TEX2: variants seen among roughly 807,000 people sequenced by gnomAD.
TEX2 encodes testis-expressed protein 2.
Under a neutral mutation model 106.9 loss-of-function variants are expected in TEX2, and 53 were observed. That is an observed-to-expected ratio of 0.50 (90% CI 0.40 to 0.62). The LOEUF is 0.62. Among genes scored for constraint, TEX2 ranks in the 20% least tolerant of loss-of-function variants. The pLI is 0.00. For missense variants in TEX2, 1,207 were observed against 1,379.0 expected (o/e 0.88, Z 1.98); for synonymous variants, 523 against 534.8 (o/e 0.98, Z 0.30).
In TEX2 at chr17:64,149,024, C is replaced by A; in HGVS notation, c.3329G>T (p.Arg1110Leu). The A allele has an allele frequency of 1.2e-6, 2 of 1,614,148 alleles. No homozygotes were observed. The highest frequency in any genetic ancestry group is 1.7e-6 in the Non-Finnish European group (2 of 1,180,012). ...ITIMHSAMDP[R>L]STSCLLKDPP... ...GTCTTTCAGGAGGCAGGAAGTAGAG[C>A]GAGGGTCCATGGCTGAGTGCATTAT... Residue 1110 changes from arginine to leucine, a missense_variant, in exon 12 of 12, where the codon CGC becomes CTC. Around this residue, in one of 3 missense-constraint regions of TEX2, gnomAD observed 77 missense variants for 73.2 expected, o/e 1.05. Coordinates refer to ENST00000584379, the MANE Select transcript of TEX2 (RefSeq NM_001288732.2).
chr17:64,172,886 T>C (rs1269165661), intron 6 of TEX2, among the ~76,000 whole-genome samples: 1 of 152,220 alleles, frequency 6.6e-6, no homozygotes, highest in African/African-American at 2.4e-5. Flanking sequence ...AATACTGGCA[T>C]CATGTTTAAA....
chr17:64,161,027 A>G (rs1331858717), intron 7 of TEX2, 94 bp from the exon 8 acceptor site: 2 of 1,365,104 alleles, frequency 1.5e-6, no homozygotes, highest in Non-Finnish European at 2.0e-6. Flanking sequence ...AATAGGCACC[A>G]TACTGAAAGT....
chr17:64,241,962 T>A (rs2033897051), intron 1 of TEX2, among the ~76,000 whole-genome samples: 1 of 152,218 alleles, frequency 6.6e-6, no homozygotes, highest in African/African-American at 2.4e-5. Context: ...CGGTACTGTC[T>A]GACATTGCCT....
chr17:64,176,798 G>A (rs919963854), intron 6 of TEX2, among the ~76,000 whole-genome samples: 1 of 152,308 alleles, frequency 6.6e-6, no homozygotes, highest in South Asian at 2.1e-4. Context: ...GCTTGAGAGG[G>A]AGCACAGCCT....
Position 64,217,441 on chromosome 17 carries a change from C to G in TEX2, c.-25-3199G>C, listed in dbSNP as rs566045927. Among the ~76,000 whole-genome samples the G allele has an allele frequency of 6.6e-6, 1 of 152,326 alleles. No individual in the cohort carries two copies. Among genetic ancestry groups the G allele is most frequent in the East Asian group, 1.9e-4 (1 of 5,184 alleles). On this transcript the variant is annotated intron_variant, in intron 1 of 11. Coordinates refer to ENST00000584379, the MANE Select transcript of TEX2 (RefSeq NM_001288732.2). This position sits in a 1 kb window ranked among gnomAD's most constrained non-coding sequence, Gnocchi z 4.3. ...GGCTTCCTGACACTGAGGCCCGATG[C>G]CCGGCAGGGTGCCTTTTCAAACATG...
chr17:64,263,002 C>T (rs1345973221), intron 1 of TEX2, among the ~76,000 whole-genome samples, 166 bp downstream of exon 1: 2 of 151,998 alleles, frequency 1.3e-5, no homozygotes, highest in African/African-American at 4.8e-5. Context: ...GCGTCCCCTT[C>T]AATACCTGAA....
At chr17:64,215,756 T>A (rs12950994) in intron 1 of TEX2, among the ~76,000 whole-genome samples, 242 of 152,348 alleles carry the variant, frequency 1.6e-3, no homozygotes, top group Non-Finnish European at 2.8e-3. Context: ...TTACAAGTAA[T>A]CTACCACAAT....
chr17:64,227,803 G>A (rs1555634085), intron 1 of TEX2, among the ~76,000 whole-genome samples: 2 of 152,164 alleles, frequency 1.3e-5, no homozygotes, highest in African/African-American at 2.4e-5. Context: ...AAATGGGAAT[G>A]GCAACTGACT....
chr17:64,172,792 G>A (rs1049542602), intron 6 of TEX2, among the ~76,000 whole-genome samples: 2 of 152,092 alleles, frequency 1.3e-5, no homozygotes, highest in Non-Finnish European at 2.9e-5. Flanking sequence ...ATCTGAGTGT[G>A]CCATCTGCTT....
chr17:64,257,106 G>C (rs1163526892), intron 1 of TEX2, among the ~76,000 whole-genome samples: 1 of 152,222 alleles, frequency 6.6e-6, no homozygotes, highest in African/African-American at 2.4e-5. Flanking sequence ...TCAACTGTTA[G>C]AATAAGCTGG....
At chr17:64,189,104 A>G (rs1008766768) in intron 4 of TEX2, among the ~76,000 whole-genome samples, 7 of 68,090 alleles carry the variant, frequency 1.0e-4, no homozygotes, top group Non-Finnish European at 1.4e-4. Context: ...GCTCACAGCA[A>G]TTCCAAAGAT....
At chr17:64,230,473 G>C (rs1401320180) in intron 1 of TEX2, 2 of 152,314 alleles carry the variant, frequency 1.3e-5, no homozygotes, top group African/African-American at 4.8e-5. Context: ...TTGCCTATAG[G>C]CCCTGAGGGG....
At chr17:64,188,126 A>G in intron 5 of TEX2, 42 bp downstream of exon 5, 1 of 1,587,312 alleles carries the variant, frequency 6.3e-7, no homozygotes, top group Non-Finnish European at 8.5e-7. Context: ...AATGTGTCTA[A>G]GTCGAAAAGT....
At chr17:64,257,817 G>T (rs1016432799) in intron 1 of TEX2, among the ~76,000 whole-genome samples, 1 of 151,940 alleles carries the variant, frequency 6.6e-6, no homozygotes, top group African/African-American at 2.4e-5. Flanking sequence ...CACAACTTAG[G>T]AAAGGAAAAA....
rs140477749 is a variant in TEX2 at position 64,239,653 on chromosome 17, A to C, written c.-26+23515T>G. On this transcript the variant is annotated intron_variant, in intron 1 of 11. Transcript: ENST00000584379. ...CACTTTGGGAGGCAGAGACAGGCAGATCACCTGAGGTCAGGAGTTCGAGAC... is the reference window on the plus strand; with the variant it reads ...CACTTTGGGAGGCAGAGACAGGCAGCTCACCTGAGGTCAGGAGTTCGAGAC... Among the ~76,000 whole-genome samples the C allele has an allele frequency of 5.3e-3, 803 of 152,254 alleles. 11 individuals are homozygous for C. Among genetic ancestry groups the C allele is most frequent in the African/African-American group, 0.018 (742 of 41,540 alleles).
In TEX2 at chr17:64,213,550, G is replaced by A. The variant is rs782675206; in HGVS notation, c.668C>T (p.Thr223Met). 17 of 1,614,008 alleles carry A rather than the reference G, an allele frequency of 1.1e-5. No homozygotes were observed. The highest frequency in any genetic ancestry group is 4.0e-5 in the African/African-American group (3 of 74,900). Reference protein sequence around the residue: ...LMKTLVKSLSTDTSRQESDTV... With the variant: ...LMKTLVKSLSMDTSRQESDTV... Reference sequence around the variant, plus strand: ...ATCCGACTCCTGCCGGGAAGTGTCCGTGGACAGAGACTTGACTAATGTCTT... The same window carrying A: ...ATCCGACTCCTGCCGGGAAGTGTCCATGGACAGAGACTTGACTAATGTCTT... The change falls in exon 2 of 12, where the codon ACG (threonine) becomes ATG (methionine). Residue 223 changes from threonine (T) to methionine (M), a missense_variant. This residue lies in a region of TEX2 where 1,067 missense variants were observed against 1,193.6 expected (regional missense o/e 0.89). Coordinates refer to ENST00000584379, the MANE Select transcript of TEX2 (RefSeq NM_001288732.2). This position sits in a 1 kb window ranked among gnomAD's most constrained non-coding sequence, Gnocchi z 4.4.
rs140876223 is a variant in TEX2, at chr17:64,212,812, G to A, written c.1406C>T (p.Pro469Leu). 28 of 1,613,916 alleles carry A rather than the reference G, an allele frequency of 1.7e-5. No homozygotes were observed. Among genetic ancestry groups the A allele is most frequent in the East Asian group, 6.7e-5 (3 of 44,896 alleles). The change falls in exon 2 of 12, where the codon CCG (proline) becomes CTG (leucine). Residue 469 changes from proline to leucine, a missense_variant. Physicochemically the swap from Pro to Leu is moderately conservative, Grantham distance 98. Around this residue, in one of 3 missense-constraint regions of TEX2, gnomAD observed 1,067 missense variants for 1,193.6 expected, o/e 0.89. Transcript: ENST00000584379. ...EDEVDSAVQH[P>L]ELPVKTLGFF... ...GCCCAACGTCTTCACTGGCAATTCC[G>A]GGTGCTGCACGGCCGAGTCCACCTC...
At chr17:64,173,117 T>C (rs1199980837) in intron 6 of TEX2, among the ~76,000 whole-genome samples, 3 of 152,220 alleles carry the variant, frequency 2.0e-5, no homozygotes, top group South Asian at 2.1e-4. Context: ...TGTTCCGCCA[T>C]CTTTAAGTGC....
intron 1 of TEX2, among the ~76,000 whole-genome samples, chr17:64,259,217 C>T (rs2034244410): frequency 1.3e-5 from 2 of 152,158 alleles, no homozygotes; most frequent in African/African-American, 4.8e-5. Context: ...CTTCTGACTC[C>T]AAGTCTAGTG....
Sources: allele counts gnomAD v4.1 joint callset (sites outside exome capture counted in the v4.1 genomes callset), GRCh38; gene constraint gnomAD v4.1.1; regional missense constraint gnomAD v4.1.1; non-coding constraint Gnocchi (gnomAD v3.1); transcripts MANE v1.5; gene names NCBI Gene and HGNC (gene_info 2026-07-23, HGNC 2026-07-21).